The following BARX2 variants were observed in gnomAD, a reference collection of about 807,000 sequenced individuals.
BARX2 encodes BARX homeobox 2.
BARX2 carries 11 observed loss-of-function variants against 25.5 expected under a neutral mutation model. That is an observed-to-expected ratio of 0.43 (90% confidence interval 0.27 to 0.71). BARX2 has a LOEUF of 0.71. BARX2 is among the 30% of genes least tolerant of loss of function. The pLI, the probability that BARX2 is intolerant of heterozygous loss-of-function variation, is 0.19. For missense variants in BARX2, 360 were observed against 359.9 expected (o/e 1.00, Z 0.00); for synonymous variants, 137 against 149.5 (o/e 0.92, Z 0.61).
intron 1 of BARX2, among the ~76,000 whole-genome samples, chr11:129,421,919 G>A (rs1862008342): frequency 1.3e-5 from 2 of 151,816 alleles, no homozygotes; most frequent in South Asian, 2.1e-4. Flanking sequence ...ACTTTTACCT[G>A]TTGCTTTATA....
intron 2 of BARX2, among the ~76,000 whole-genome samples, chr11:129,441,446 ATTTTT>A: frequency 6.6e-6 from 1 of 152,166 alleles, no homozygotes; most frequent in East Asian, 1.9e-4. Context: ...GAAGTAATTT[ATTTTT>A]ATTTATTTAT....
chr11:129,409,998 A>T (rs1435339187), intron 1 of BARX2, among the ~76,000 whole-genome samples: 1 of 152,154 alleles, frequency 6.6e-6, no homozygotes, highest in Non-Finnish European at 1.5e-5. Context: ...TAGAACCTTG[A>T]CTTAACTTAT....
intron 1 of BARX2, among the ~76,000 whole-genome samples, chr11:129,410,089 C>T (rs1461435297): frequency 1.3e-5 from 2 of 152,138 alleles, no homozygotes; most frequent in Admixed American, 6.5e-5. Flanking sequence ...TGTACATTTA[C>T]AAATGAATAG....
chr11:129,413,098 A>G (rs957452273), intron 1 of BARX2, among the ~76,000 whole-genome samples: 1 of 152,232 alleles, frequency 6.6e-6, no homozygotes, highest in East Asian at 1.9e-4. Context: ...AACTGCAAAT[A>G]ATTCATTTAA....
chr11:129,400,792 G>A (rs917225631), intron 1 of BARX2, among the ~76,000 whole-genome samples: 1 of 152,180 alleles, frequency 6.6e-6, no homozygotes, highest in South Asian at 2.1e-4. Flanking sequence ...GCGGTGGCAG[G>A]CGTGGGTCAA....
chr11:129,443,484 C>T (rs1200303182), intron 3 of BARX2, among the ~76,000 whole-genome samples: 1 of 152,162 alleles, frequency 6.6e-6, no homozygotes, highest in Non-Finnish European at 1.5e-5. Flanking sequence ...GCATTAGCGT[C>T]CCCTGGGTAG....
At chr11:129,432,672 G>A (rs75738731) in intron 1 of BARX2, among the ~76,000 whole-genome samples, 2,649 of 152,236 alleles carry the variant, frequency 0.017, 89 homozygotes, top group African/African-American at 0.061. Context: ...GGGATCAAGG[G>A]TCAATGAAAG....
chr11:129,401,148 T>A (rs913377530), intron 1 of BARX2, among the ~76,000 whole-genome samples: 6 of 152,222 alleles, frequency 3.9e-5, no homozygotes, highest in Non-Finnish European at 7.3e-5. Context: ...TTGGCATGGT[T>A]GAGATAGAAT....
At chr11:129,410,392 T>C (rs1030954662) in intron 1 of BARX2, among the ~76,000 whole-genome samples, 2 of 152,256 alleles carry the variant, frequency 1.3e-5, no homozygotes, top group African/African-American at 2.4e-5. Context: ...GCTTTCTTTA[T>C]AAGTTTTTCT....
chr11:129,406,523 T>G (rs1861832026), intron 1 of BARX2, among the ~76,000 whole-genome samples: 2 of 152,214 alleles, frequency 1.3e-5, no homozygotes, highest in Non-Finnish European at 2.9e-5. Context: ...GAGACAGATG[T>G]GCAAGCAACA....
chr11:129,428,765 C>T (rs1432711074), intron 1 of BARX2, among the ~76,000 whole-genome samples: 1 of 152,216 alleles, frequency 6.6e-6, no homozygotes, highest in Non-Finnish European at 1.5e-5. Context: ...GAGCTCAAGA[C>T]AGTGCCTCAT....
intron 1 of BARX2, among the ~76,000 whole-genome samples, chr11:129,412,621 C>T (rs1017171666): frequency 6.6e-6 from 1 of 152,164 alleles, no homozygotes; most frequent in African/African-American, 2.4e-5. Flanking sequence ...GCAGAAATTT[C>T]TAGGAAGAGG....
At chr11:129,439,274 G>A (rs1862229537) in intron 2 of BARX2, among the ~76,000 whole-genome samples, 1 of 152,080 alleles carries the variant, frequency 6.6e-6, no homozygotes, top group Non-Finnish European at 1.5e-5. Context: ...TAGAGAGGAG[G>A]ACAATTTTTT....
intron 2 of BARX2, among the ~76,000 whole-genome samples, chr11:129,441,371 A>G (rs1222027286): frequency 6.6e-6 from 1 of 152,142 alleles, no homozygotes. Context: ...GCCAGACAGT[A>G]AATACTTTAC....
intron 3 of BARX2, among the ~76,000 whole-genome samples, chr11:129,448,169 T>C (rs1455846826): frequency 6.6e-6 from 1 of 152,202 alleles, no homozygotes; most frequent in African/African-American, 2.4e-5. Context: ...ATCATCTAAA[T>C]GGTGAGAGTG....
intron 1 of BARX2, among the ~76,000 whole-genome samples, chr11:129,429,444 G>A (rs1862104162): frequency 6.6e-6 from 1 of 152,098 alleles, no homozygotes; most frequent in Admixed American, 6.5e-5. Flanking sequence ...AGGATTGTTT[G>A]AACCTAGGAG....
At chr11:129,431,479 C>A (rs995586657) in intron 1 of BARX2, among the ~76,000 whole-genome samples, 1 of 152,182 alleles carries the variant, frequency 6.6e-6, no homozygotes, top group African/African-American at 2.4e-5. Flanking sequence ...TCATTAAAAA[C>A]GTCAACTGTT....
chr11:129,437,231 C>G (rs1029982840), intron 2 of BARX2, 180 bp downstream of exon 2: 1 of 690,068 alleles, frequency 1.4e-6, no homozygotes, highest in Non-Finnish European at 2.1e-6. Flanking sequence ...CATGAATCCA[C>G]CACACGGTCC....
chr11:129,442,878 A>AAGAC lies in BARX2; in HGVS notation c.533_536dup (p.Trp180AspfsTer16). ...TCTGGGACTCACTCAGCTGCAGGTGAAGACCTGGTATCAGAATCGCAGGAT... is the reference window on the plus strand; with the variant it reads ...TCTGGGACTCACTCAGCTGCAGGTGAAGACAGACCTGGTATCAGAATCGCAGGAT... On this transcript the variant is annotated frameshift_variant, in exon 3 of 4. Coordinates refer to ENST00000281437, the MANE Select transcript of BARX2 (RefSeq NM_003658.5). LOFTEE classifies it high-confidence loss of function. 6.2e-7 allele frequency: 1 copy of AAGAC among 1,613,982 alleles called. No homozygotes were observed. Among genetic ancestry groups the AAGAC allele is most frequent in the Non-Finnish European group, 8.5e-7 (1 of 1,179,922 alleles).
Sources: gnomAD v4.1 joint callset for allele counts (sites outside exome capture counted in the v4.1 genomes callset) on GRCh38, gnomAD v4.1.1 for gene constraint, MANE v1.5 for transcripts, NCBI Gene and HGNC (gene_info 2026-07-23, HGNC 2026-07-21) for gene names.